The following CAMK2D variants were observed in gnomAD, a reference collection of about 807,000 sequenced individuals.
CAMK2D encodes the protein calcium/calmodulin-dependent protein kinase type II subunit delta.
In CAMK2D, 37 loss-of-function variants were observed where a neutral mutation model predicts 84.0. That is an observed-to-expected ratio of 0.44 (90% CI 0.34 to 0.58). CAMK2D has a LOEUF of 0.58. CAMK2D is among the 20% of genes least tolerant of loss of function. The pLI, the probability that CAMK2D is intolerant of heterozygous loss-of-function variation, is 0.02. For missense variants in CAMK2D, 448 were observed against 652.5 expected (o/e 0.69, Z 3.41); for synonymous variants, 202 against 212.5 (o/e 0.95, Z 0.43).
At chr4:113,712,618 A>G (rs1341627945) in intron 2 of CAMK2D, among the ~76,000 whole-genome samples, 3 of 152,206 alleles carry the variant, frequency 2.0e-5, no homozygotes, top group African/African-American at 4.8e-5. Context: ...TCCTATGCCT[A>G]TTTCTGAAAT....
At chr4:113,595,441 TGTGTG>T (rs2098920406) in intron 4 of CAMK2D, among the ~76,000 whole-genome samples, 2 of 16,198 alleles carry the variant, frequency 1.2e-4, no homozygotes, top group Admixed American at 5.0e-4. Flanking sequence ...TATGTATGCT[TGTGTG>T]TGTGTGTGTG....
At chr4:113,735,618 A>G (rs2099579543) in intron 2 of CAMK2D, among the ~76,000 whole-genome samples, 1 of 152,220 alleles carries the variant, frequency 6.6e-6, no homozygotes, top group Non-Finnish European at 1.5e-5. Context: ...AGAGATGCAC[A>G]GGAGAAGGGT....
intron 5 of CAMK2D, among the ~76,000 whole-genome samples, chr4:113,550,925 A>G (rs1045990484): frequency 6.6e-6 from 1 of 152,198 alleles, no homozygotes; most frequent in Non-Finnish European, 1.5e-5. Flanking sequence ...TTAAACCAAG[A>G]AGAAAAATTA....
intron 5 of CAMK2D, among the ~76,000 whole-genome samples, chr4:113,550,863 A>G (rs17592426): frequency 0.046 from 6,970 of 152,324 alleles, 443 homozygotes; most frequent in East Asian, 0.21. Flanking sequence ...CCATTAAAAA[A>G]TTAGAGCGTA....
chr4:113,512,517 A>G (rs993361829), intron 12 of CAMK2D, among the ~76,000 whole-genome samples: 2 of 152,220 alleles, frequency 1.3e-5, no homozygotes, highest in African/African-American at 4.8e-5. Flanking sequence ...CCAAGAAAAT[A>G]CTATACTTTT....
intron 2 of CAMK2D, among the ~76,000 whole-genome samples, chr4:113,717,421 G>A (rs543939877): frequency 3.9e-5 from 6 of 152,010 alleles, no homozygotes; most frequent in South Asian, 2.1e-4. Flanking sequence ...GGATAATCTC[G>A]TATAATCAAC....
chr4:113,474,215 G>T (rs944703329), intron 16 of CAMK2D, among the ~76,000 whole-genome samples: 30 of 152,198 alleles, frequency 2.0e-4, no homozygotes, highest in Admixed American at 5.2e-4. Context: ...ACCATTTCCA[G>T]TTAAGAGTTG....
intron 3 of CAMK2D, among the ~76,000 whole-genome samples, chr4:113,648,569 A>G (rs1346656639): frequency 6.6e-6 from 1 of 152,248 alleles, no homozygotes; most frequent in East Asian, 1.9e-4. Flanking sequence ...AGGGACCGGT[A>G]AGAAGTGAGC....
intron 3 of CAMK2D, among the ~76,000 whole-genome samples, chr4:113,634,551 T>G (rs1401597919): frequency 6.6e-6 from 1 of 152,168 alleles, no homozygotes; most frequent in African/African-American, 2.4e-5. Flanking sequence ...CAGTCACAGG[T>G]CCAAGGAATG....
intron 4 of CAMK2D, among the ~76,000 whole-genome samples, chr4:113,581,848 T>G (rs1288491466): frequency 6.6e-6 from 1 of 152,154 alleles, no homozygotes; most frequent in Non-Finnish European, 1.5e-5. Context: ...CTATATTAAG[T>G]AAAAGTAGAT....
At chr4:113,670,102 T>C (rs1261749248) in intron 2 of CAMK2D, among the ~76,000 whole-genome samples, 1 of 151,968 alleles carries the variant, frequency 6.6e-6, no homozygotes, top group African/African-American at 2.4e-5. Context: ...AACATGGTGA[T>C]ACACCGTCTG....
rs1219104714 is a variant in CAMK2D at position 113,658,996 on chromosome 4, T to C, written c.220+2717A>G. Among the ~76,000 whole-genome samples, 5 of 152,328 alleles carry C rather than the reference T, an allele frequency of 3.3e-5. No homozygotes were observed. The East Asian group carries it at 5.8e-4, about 18-fold the overall frequency. On this transcript the variant is annotated intron_variant, in intron 3 of 20. Transcript: ENST00000511664. ...AAGATGTACACTGTGTCAGAAGGTG[T>C]TGACAATGCTATCTAGGACACAAAA...
chr4:113,542,940 G>C (rs1160815175), intron 6 of CAMK2D, among the ~76,000 whole-genome samples: 1 of 152,088 alleles, frequency 6.6e-6, no homozygotes, highest in Non-Finnish European at 1.5e-5. Flanking sequence ...CTTCTGAATA[G>C]GGGCTAATAG....
chr4:113,709,746 G>GATATATATATATATATACTATAT (rs2099483274), intron 2 of CAMK2D, among the ~76,000 whole-genome samples: 1 of 49,824 alleles, frequency 2.0e-5, no homozygotes, highest in African/African-American at 1.1e-4. Flanking sequence ...AGCCGTGAAC[G>GATATATATATATATATACTATAT]ATATATATAT....
chr4:113,526,416 G>A (rs3221374), intron 8 of CAMK2D, among the ~76,000 whole-genome samples: 450 of 41,578 alleles, frequency 0.011, 1 homozygote, highest in African/African-American at 0.021. Context: ...CATTCTTGAT[G>A]TGTGTGTGTG....
At chr4:113,539,689 GTTGCACC>G (rs2154189490) in intron 6 of CAMK2D, among the ~76,000 whole-genome samples, 1 of 152,278 alleles carries the variant, frequency 6.6e-6, no homozygotes, top group South Asian at 2.1e-4. Flanking sequence ...CTGGACCAGA[GTTGCACC>G]TTATACTCAT....
intron 16 of CAMK2D, among the ~76,000 whole-genome samples, chr4:113,478,098 G>A (rs1352333348): frequency 6.6e-6 from 1 of 151,936 alleles, no homozygotes; most frequent in East Asian, 1.9e-4. Context: ...ACAATAGTAA[G>A]AATTTTACAT....
intron 16 of CAMK2D, among the ~76,000 whole-genome samples, chr4:113,470,706 A>G (rs2154117696): frequency 6.6e-6 from 1 of 152,178 alleles, no homozygotes; most frequent in Admixed American, 6.5e-5. Context: ...GATGTTATGA[A>G]TTCATACATA....
intron 2 of CAMK2D, among the ~76,000 whole-genome samples, chr4:113,744,833 C>T (rs2099600723): frequency 6.6e-6 from 1 of 152,202 alleles, no homozygotes; most frequent in Non-Finnish European, 1.5e-5. Context: ...TCTCCAGAGG[C>T]ACTTTTCAAG....
Sources: allele counts gnomAD v4.1 joint callset (sites outside exome capture counted in the v4.1 genomes callset), GRCh38; gene constraint gnomAD v4.1.1; transcripts MANE v1.5; gene names NCBI Gene and HGNC (gene_info 2026-07-23, HGNC 2026-07-21).